Variants in TRIM41 observed in about 807,000 individuals in gnomAD.
The protein encoded by TRIM41 is E3 ubiquitin-protein ligase TRIM41.
Under a neutral mutation model 60.6 loss-of-function variants are expected in TRIM41, and 21 were observed. The ratio of observed to expected loss-of-function variants is 0.35; its 90% confidence interval spans 0.25 to 0.50. The LOEUF is 0.50. Among genes scored for constraint, TRIM41 ranks in the 20% least tolerant of loss-of-function variants. The pLI is 0.98. For missense variants in TRIM41, 846 were observed against 868.3 expected, an observed-to-expected ratio of 0.97 and a Z score of 0.32; for synonymous variants, 407 against 344.9, an observed-to-expected ratio of 1.18 and a Z score of -2.00.
Position 181,235,124 on chromosome 5 carries a change from T to A in TRIM41, c.*349T>A. On this transcript the variant is annotated 3_prime_UTR_variant, in exon 6 of 6. Coordinates refer to ENST00000315073, the MANE Select transcript of TRIM41 (RefSeq NM_033549.5). ...TGTAATTTCATTCCTTAACTTCCTTTTCCCCACCCCTGCTCTTCAACCTCT... is the reference window on the plus strand; with the variant it reads ...TGTAATTTCATTCCTTAACTTCCTTATCCCCACCCCTGCTCTTCAACCTCT... 6.3e-7 allele frequency: 1 copy of A among 1,580,406 alleles called. No homozygotes were observed. The highest frequency in any genetic ancestry group is 1.1e-5 in the South Asian group (1 of 87,530).
chr5:181,228,769 A>T (rs566137594), intron 1 of TRIM41: 1 of 151,100 alleles, frequency 6.6e-6, no homozygotes, highest in African/African-American at 2.4e-5. Flanking sequence ...CCCTGTCTCT[A>T]CTAAAAATAC....
rs998681766 is a variant in TRIM41, at chr5:181,235,290, G to A, written c.*515G>A. ...CAAAGGGTAGAGCTGGGTAATAAAT[G>A]TCTATTCTCCTGGGGAGGAGGGATT... On this transcript the variant is annotated 3_prime_UTR_variant, in exon 6 of 6. Coordinates refer to ENST00000315073, the MANE Select transcript of TRIM41 (RefSeq NM_033549.5). The A allele has an allele frequency of 3.1e-6, 5 of 1,613,786 alleles. No individual in the cohort carries two copies. The highest frequency in any genetic ancestry group is 1.1e-5 in the South Asian group (1 of 91,048).
In TRIM41 at chr5:181,224,529, C is replaced by G. The variant is rs752946389; in HGVS notation, c.530C>G (p.Pro177Arg). The G allele has an allele frequency of 6.2e-7, 1 of 1,612,662 alleles. No homozygotes were observed. The highest frequency in any genetic ancestry group is 8.5e-7 in the Non-Finnish European group (1 of 1,178,846). The change falls in exon 1 of 6, where the codon CCT becomes CGT. Residue 177 changes from proline to arginine, a missense_variant. Transcript: ENST00000315073. ...ACCCCACTGCCCCCGCCTCCAGCCC[C>G]TCGGAGGTGCTTCACATGCCCTCAG... ...PVTPLPPPPA[P>R]RRCFTCPQCR...
At position 181,234,941 on chromosome 5, in the gene TRIM41, G is replaced by A; in HGVS notation, c.*166G>A. ...CTGCTTCTCCCTCTAGGAGCCTAAA[G>A]AACCCTCCTGGCCTCCAGCTCAGCC... On this transcript the variant is annotated 3_prime_UTR_variant, in exon 6 of 6. Coordinates refer to ENST00000315073, the MANE Select transcript of TRIM41 (RefSeq NM_033549.5). This position sits in a 1 kb window ranked among gnomAD's most constrained non-coding sequence, Gnocchi z 5.6. 1 of 1,613,882 alleles carries A rather than the reference G, an allele frequency of 6.2e-7. No individual in the cohort carries two copies. Among genetic ancestry groups the A allele is most frequent in the Non-Finnish European group, 8.5e-7 (1 of 1,180,012 alleles).
chr5:181,223,805 G>C lies in TRIM41; in HGVS notation c.-195G>C, dbSNP rs1758403634. The C allele has an allele frequency of 1.6e-6, 1 of 632,822 alleles. No individual in the cohort carries two copies. Among genetic ancestry groups the C allele is most frequent in the African/African-American group, 1.9e-5 (1 of 53,946 alleles). The allele number at this position is 632,822 out of a possible 1,614,324, so 39.2% of individuals were successfully genotyped here. ...CAGCACTGTCCCCTCCCCTCGTAGA[G>C]ACACGGTTGTCGTTTGGGAGTAGGG... On this transcript the variant is annotated 5_prime_UTR_variant, in exon 1 of 6. Coordinates refer to ENST00000315073, the MANE Select transcript of TRIM41 (RefSeq NM_033549.5).
chr5:181,224,923 G>T, intron 1 of TRIM41, 111 bp downstream of exon 1: 1 of 1,456,876 alleles, frequency 6.9e-7, no homozygotes, highest in Admixed American at 1.9e-5. Context: ...TCATGGTATT[G>T]GTGAGCCAAG....
At chr5:181,225,050 G>T in intron 1 of TRIM41, 1 of 589,874 alleles carries the variant, frequency 1.7e-6, no homozygotes, top group African/African-American at 1.9e-5. Context: ...AGCAAATAGA[G>T]CAAAGCCGGT....
chr5:181,234,823 G>C lies in TRIM41; in HGVS notation c.*48G>C. On this transcript the variant is annotated 3_prime_UTR_variant, in exon 6 of 6. Transcript: ENST00000315073. This position sits in a 1 kb window ranked among gnomAD's most constrained non-coding sequence, Gnocchi z 5.6. ...CCCTCTGTCAGCACTTGGGGGGTGG[G>C]TGGTGGAGGGTGGCCCGTAAGTTTG... 1 of 1,605,830 alleles carries C rather than the reference G, an allele frequency of 6.2e-7. No homozygotes were observed. The highest frequency in any genetic ancestry group is 1.1e-5 in the South Asian group (1 of 90,408).
chr5:181,235,130 A>G lies in TRIM41; in HGVS notation c.*355A>G. 6.4e-7 allele frequency: 1 copy of G among 1,569,562 alleles called. No homozygotes were observed. Among genetic ancestry groups the G allele is most frequent in the Non-Finnish European group, 8.6e-7 (1 of 1,158,016 alleles). ...TTCATTCCTTAACTTCCTTTTCCCC[A>G]CCCCTGCTCTTCAACCTCTTTATCA... On this transcript the variant is annotated 3_prime_UTR_variant, in exon 6 of 6. Transcript: ENST00000315073.
At position 181,223,755 on chromosome 5, in the gene TRIM41, A is replaced by G. The variant is rs1758399877; in HGVS notation, c.-245A>G. On this transcript the variant is annotated 5_prime_UTR_variant, in exon 1 of 6. Transcript: ENST00000315073. ...TTGGGGCAGACTTGTACTCAGAGCC[A>G]CCTGAGGGACTTGGCGGTGGCGCCC... 1.7e-6 allele frequency: 1 copy of G among 597,098 alleles called. No homozygotes were observed. Among genetic ancestry groups the G allele is most frequent in the Non-Finnish European group, 3.0e-6 (1 of 335,584 alleles). 37.0% of individuals were successfully genotyped at this position (597,098 alleles called of 1,614,324 possible).
At position 181,227,553 on chromosome 5, in the gene TRIM41, T is replaced by C. The variant is rs1758601888; in HGVS notation, c.813+2741T>C. On this transcript the variant is annotated intron_variant, in intron 1 of 5. Transcript: ENST00000315073. Reference sequence around the variant, plus strand: ...TTTTAGTAGAGACAGGATTTCACCATGTTAGCCAGGATGGTATCGATCTCC... The same window carrying C: ...TTTTAGTAGAGACAGGATTTCACCACGTTAGCCAGGATGGTATCGATCTCC... 2.0e-5 allele frequency: 3 copies of C among 152,188 alleles called. No homozygotes were observed. In the South Asian group the frequency reaches 6.2e-4, roughly 32 times the overall value. The allele number at this position is 152,188 out of a possible 1,614,324, so 9.4% of individuals were successfully genotyped here.
Position 181,234,554 on chromosome 5 carries a change from C to T in TRIM41, c.1672C>T (p.Arg558Cys), listed in dbSNP as rs371794942. The T allele has an allele frequency of 4.1e-5, 66 of 1,614,100 alleles. No homozygotes were observed. Among genetic ancestry groups the T allele is most frequent in the Middle Eastern group, 1.6e-4 (1 of 6,084 alleles). ...EVWCVGTNGK[R>C]YQAQSSTEQT... ...GTGGTGCGTGGGCACCAACGGCAAA[C>T]GCTATCAGGCCCAGAGCTCCACAGA... Residue 558 changes from arginine to cysteine, a missense_variant, in exon 6 of 6, where the codon CGC becomes TGC. Arg to Cys is a radical substitution (Grantham distance 180, BLOSUM62 -3). Coordinates refer to ENST00000315073, the MANE Select transcript of TRIM41 (RefSeq NM_033549.5). The surrounding 1 kb of genome is among the most constrained non-coding windows in gnomAD (Gnocchi z 5.6).
Position 181,224,625 on chromosome 5 carries a change from G to C in TRIM41, c.626G>C (p.Arg209Pro). 2 of 1,614,192 alleles carry C rather than the reference G, an allele frequency of 1.2e-6. No individual in the cohort carries two copies. Among genetic ancestry groups the C allele is most frequent in the Non-Finnish European group, 1.7e-6 (2 of 1,180,026 alleles). The change falls in exon 1 of 6, where the codon CGG becomes CCG. Residue 209 changes from arginine (R) to proline (P), a missense_variant. Transcript: ENST00000315073. ...CTGGCCAATATGGTCCAGGTGATTC[G>C]GCAGATGCACCCAACCCCTGGTCGA... ...LQLANMVQVIRQMHPTPGRGS... is the reference protein window; with the variant it reads ...LQLANMVQVIPQMHPTPGRGS...
At position 181,233,928 on chromosome 5, in the gene TRIM41, G is replaced by A. The variant is rs1758924800; in HGVS notation, c.1291+165G>A. On this transcript the variant is annotated intron_variant, in intron 5 of 5. Coordinates refer to ENST00000315073, the MANE Select transcript of TRIM41 (RefSeq NM_033549.5). This position sits in a 1 kb window ranked among gnomAD's most constrained non-coding sequence, Gnocchi z 4.1. ...TTCAAGCCATGAGCAGGTAGACCTA[G>A]TGCAGGCAGGCCTGGAGGGTGGGGT... The A allele has an allele frequency of 7.9e-7, 1 of 1,260,626 alleles. No homozygotes were observed. Among genetic ancestry groups the A allele is most frequent in the Non-Finnish European group, 1.1e-6 (1 of 900,312 alleles). 78.1% of individuals were successfully genotyped at this position (1,260,626 alleles called of 1,614,324 possible). A position where few individuals can be genotyped will look rare whatever the true frequency, so the allele number is the denominator to read the frequency against.
In TRIM41 at chr5:181,234,863, C is replaced by T. The variant is rs565878399; in HGVS notation, c.*88C>T. 4.3e-6 allele frequency: 7 copies of T among 1,610,810 alleles called. No individual in the cohort carries two copies. Among genetic ancestry groups the T allele is most frequent in the African/African-American group, 1.3e-5 (1 of 74,960 alleles). On this transcript the variant is annotated 3_prime_UTR_variant, in exon 6 of 6. Transcript: ENST00000315073. This position sits in a 1 kb window ranked among gnomAD's most constrained non-coding sequence, Gnocchi z 5.6. Reference sequence around the variant, plus strand: ...CCGTAAGTTTGAGGGCTCAAAGGCTCTTCCCACTGCTTGTTACTGTGTTGC... The same window carrying T: ...CCGTAAGTTTGAGGGCTCAAAGGCTTTTCCCACTGCTTGTTACTGTGTTGC...
chr5:181,234,457 C>A lies in TRIM41; in HGVS notation c.1575C>A (p.Ala525=). The A allele has an allele frequency of 6.2e-7, 1 of 1,612,226 alleles. No individual in the cohort carries two copies. The highest frequency in any genetic ancestry group is 8.5e-7 in the Non-Finnish European group (1 of 1,179,116). Residue 525 remains alanine (A), a synonymous_variant, in exon 6 of 6, where the codon GCC becomes GCA. Transcript: ENST00000315073. The surrounding 1 kb of genome is among the most constrained non-coding windows in gnomAD (Gnocchi z 5.6). ...PGGSSVGSGD[A]SSSRHHHRRR... is the part of the protein sequence containing the mutation. ...GTTCCTCCGTGGGCAGCGGGGATGCCAGCTCCTCGCGCCATCACCATCGCC... is the reference window on the plus strand; with the variant it reads ...GTTCCTCCGTGGGCAGCGGGGATGCAAGCTCCTCGCGCCATCACCATCGCC...
In TRIM41 at chr5:181,234,879, A is replaced by G; in HGVS notation, c.*104A>G. ...TCAAAGGCTCTTCCCACTGCTTGTT[A>G]CTGTGTTGCTTCCCACTCCCCCTTG... is the stretch of plus-strand genomic sequence containing the variant. On this transcript the variant is annotated 3_prime_UTR_variant, in exon 6 of 6. Coordinates refer to ENST00000315073, the MANE Select transcript of TRIM41 (RefSeq NM_033549.5). The surrounding 1 kb of genome is among the most constrained non-coding windows in gnomAD (Gnocchi z 5.6). 1 of 1,611,494 alleles carries G rather than the reference A, an allele frequency of 6.2e-7. No homozygotes were observed. The highest frequency in any genetic ancestry group is 2.2e-5 in the East Asian group (1 of 44,856).
chr5:181,223,988 C>T lies in TRIM41; in HGVS notation c.-12C>T, dbSNP rs1172353870. On this transcript the variant is annotated 5_prime_UTR_variant, in exon 1 of 6. Coordinates refer to ENST00000315073, the MANE Select transcript of TRIM41 (RefSeq NM_033549.5). Reference sequence around the variant, plus strand: ...CCCACCGAACCTCTACACTGGCTGGCTGGACACTAAGATGGCTGCCGTTGC... The same window carrying T: ...CCCACCGAACCTCTACACTGGCTGGTTGGACACTAAGATGGCTGCCGTTGC... 1.2e-6 allele frequency: 2 copies of T among 1,604,000 alleles called. No individual in the cohort carries two copies. The highest frequency in any genetic ancestry group is 1.7e-6 in the Non-Finnish European group (2 of 1,173,478).
In TRIM41 at chr5:181,233,896, T is replaced by C; in HGVS notation, c.1291+133T>C. 1 of 1,445,778 alleles carries C rather than the reference T, an allele frequency of 6.9e-7. No homozygotes were observed. Among genetic ancestry groups the C allele is most frequent in the South Asian group, 1.3e-5 (1 of 78,414 alleles). 89.6% of individuals were successfully genotyped at this position (1,445,778 alleles called of 1,614,324 possible). A position where few individuals can be genotyped will look rare whatever the true frequency, so the allele number is the denominator to read the frequency against. On this transcript the variant is annotated intron_variant, in intron 5 of 5. Transcript: ENST00000315073. This position sits in a 1 kb window ranked among gnomAD's most constrained non-coding sequence, Gnocchi z 4.1. ...CAGGATCCAGGCAGCCACTCTGAGG[T>C]TGAGGTTTCAAGCCATGAGCAGGTA...
Sources: allele counts gnomAD v4.1 joint callset, GRCh38; gene constraint gnomAD v4.1.1; non-coding constraint Gnocchi (gnomAD v3.1); transcripts MANE v1.5; gene names NCBI Gene and HGNC (gene_info 2026-07-23, HGNC 2026-07-21).